Variants in CCNJL observed in about 807,000 individuals in gnomAD.
CCNJL encodes cyclin J like.
CCNJL carries 33 observed loss-of-function variants against 33.4 expected under a neutral mutation model. The observed-to-expected ratio is 0.99, with a 90% CI of 0.75 to 1.32. CCNJL has a LOEUF of 1.32. CCNJL is among the 40% of genes most tolerant of loss of function. The probability of loss-of-function intolerance (pLI) is 0.00; values close to 1 mark genes in which losing one functional copy is unlikely to be tolerated. For synonymous variants in CCNJL, 227 were observed against 220.9 expected, an observed-to-expected ratio of 1.03 and a Z score of -0.24; for missense variants, 512 against 499.7, an observed-to-expected ratio of 1.02 and a Z score of -0.23.
intron 2 of CCNJL, among the ~76,000 whole-genome samples, chr5:160,307,689 GC>G (rs573759111): frequency 5.9e-5 from 9 of 152,080 alleles, no homozygotes; most frequent in Non-Finnish European, 1.3e-4. Flanking sequence ...CACGTAGCAG[GC>G]AAGAAACCCC....
intron 2 of CCNJL, among the ~76,000 whole-genome samples, chr5:160,301,437 CTTT>C (rs745427095): frequency 6.9e-6 from 1 of 144,464 alleles, no homozygotes. Context: ...TGGCCTATGT[CTTT>C]TTTTTTTTTT....
chr5:160,282,988 T>TATATAC (rs1554120757), intron 2 of CCNJL, among the ~76,000 whole-genome samples: 2 of 60,244 alleles, frequency 3.3e-5, no homozygotes, highest in Non-Finnish European at 6.1e-5. Context: ...TATATATATA[T>TATATAC]ATATATATAT....
At chr5:160,270,030 G>A (rs1288147615) in intron 3 of CCNJL, among the ~76,000 whole-genome samples, 1 of 152,170 alleles carries the variant, frequency 6.6e-6, no homozygotes, top group Non-Finnish European at 1.5e-5. Context: ...TGACATATAG[G>A]CTGGGCACAG....
chr5:160,303,438 T>C (rs1762987202), intron 2 of CCNJL, among the ~76,000 whole-genome samples: 1 of 151,360 alleles, frequency 6.6e-6, no homozygotes, highest in Non-Finnish European at 1.5e-5. Context: ...ACTCCTGATC[T>C]CAAGTGAGCC....
In CCNJL at chr5:160,258,321, C is replaced by T. The variant is rs878971239; in HGVS notation, c.583+1148G>A. 2.6e-5 allele frequency: 20 copies of T among 756,248 alleles called. 1 individual carries two copies. Among genetic ancestry groups the T allele is most frequent in the East Asian group, 1.5e-4 (6 of 40,650 alleles). The allele number at this position is 756,248 out of a possible 1,614,324, so 46.8% of individuals were successfully genotyped here. On this transcript the variant is annotated intron_variant, in intron 4 of 5. Transcript: ENST00000257536. ...ATGGTATTCGAAAATGGTATTACAA[C>T]GCCACAGGATTCAATAAACTGGGGT...
chr5:160,333,149 G>T (rs1381019626), intron 1 of CCNJL, among the ~76,000 whole-genome samples: 5 of 149,970 alleles, frequency 3.3e-5, no homozygotes, highest in Non-Finnish European at 7.4e-5. Context: ...TTGAGATGGA[G>T]TCTCGCTCTG....
chr5:160,288,754 CG>C (rs534488109), intron 2 of CCNJL, among the ~76,000 whole-genome samples: 2 of 148,614 alleles, frequency 1.3e-5, no homozygotes, highest in African/African-American at 5.0e-5. Context: ...GGCATGAACC[CG>C]GGGGGGCGGA....
chr5:160,329,163 T>C (rs1763575487), intron 1 of CCNJL, among the ~76,000 whole-genome samples: 1 of 152,096 alleles, frequency 6.6e-6, no homozygotes, highest in Non-Finnish European at 1.5e-5. Flanking sequence ...CAAAAAAACA[T>C]TGTTTTGGAC....
chr5:160,265,776 C>T (rs1390566092), intron 3 of CCNJL, among the ~76,000 whole-genome samples: 2 of 151,652 alleles, frequency 1.3e-5, no homozygotes, highest in Non-Finnish European at 2.9e-5. Context: ...TTGCTTGAAC[C>T]CCAGAGGCAG....
chr5:160,316,750 G>A (rs1581017624), upstream of CCNJL, among the ~76,000 whole-genome samples: 3 of 152,234 alleles, frequency 2.0e-5, no homozygotes, highest in African/African-American at 7.2e-5. Flanking sequence ...GTGTTTTGTT[G>A]TTTTATGGCA....
chr5:160,257,043 C>T (rs1384232864), intron 4 of CCNJL, among the ~76,000 whole-genome samples: 1 of 147,730 alleles, frequency 6.8e-6, no homozygotes, highest in Non-Finnish European at 1.5e-5. Context: ...AGGGTGCTAA[C>T]AGGGTGATAC....
intron 1 of CCNJL, among the ~76,000 whole-genome samples, chr5:160,332,051 T>C (rs1763614244): frequency 6.6e-6 from 1 of 152,104 alleles, no homozygotes; most frequent in African/African-American, 2.4e-5. Context: ...TTCCCCTCCC[T>C]CTCTCCAAGA....
intron 1 of CCNJL, among the ~76,000 whole-genome samples, chr5:160,320,353 G>T (rs1474678483): frequency 6.6e-6 from 1 of 152,166 alleles, no homozygotes; most frequent in Non-Finnish European, 1.5e-5. Flanking sequence ...GTGAAAGGAG[G>T]GGGTGGGATT....
chr5:160,308,419 T>C (rs548823193), intron 2 of CCNJL, among the ~76,000 whole-genome samples: 1 of 152,356 alleles, frequency 6.6e-6, no homozygotes, highest in African/African-American at 2.4e-5. Context: ...TCTCTTCTCG[T>C]GTAGCATGTA....
chr5:160,328,318 G>A (rs1045039272), intron 1 of CCNJL, among the ~76,000 whole-genome samples: 1 of 152,222 alleles, frequency 6.6e-6, no homozygotes, highest in Non-Finnish European at 1.5e-5. Flanking sequence ...CAGCATGAGA[G>A]TGAGTTAGAG....
chr5:160,261,626 C>T (rs1324031938), intron 3 of CCNJL, among the ~76,000 whole-genome samples: 2 of 150,392 alleles, frequency 1.3e-5, no homozygotes, highest in Non-Finnish European at 3.0e-5. Context: ...TCCCCCCATA[C>T]TCCCCCCAAC....
At chr5:160,266,212 A>AG (rs762573850) in intron 3 of CCNJL, among the ~76,000 whole-genome samples, 1 of 152,238 alleles carries the variant, frequency 6.6e-6, no homozygotes, top group Non-Finnish European at 1.5e-5. Flanking sequence ...GGGACAGAAG[A>AG]GGAAAGAGAA....
At chr5:160,264,316 C>T (rs1405302513) in intron 3 of CCNJL, among the ~76,000 whole-genome samples, 1 of 152,130 alleles carries the variant, frequency 6.6e-6, no homozygotes, top group Non-Finnish European at 1.5e-5. Context: ...ACGTGTACCC[C>T]CAGTGTTGGT....
chr5:160,255,669 G>A lies in CCNJL; in HGVS notation c.623C>T (p.Ala208Val), dbSNP rs771126589. Residue 208 changes from alanine (A) to valine (V), a missense_variant, in exon 5 of 6, where the codon GCG becomes GTG. Ala to Val is a moderately conservative substitution (Grantham distance 64). Transcript: ENST00000257536. ...AATCCTGGAGGCCCCAACACAGGCC[G>A]CAGCGACCACAGAAGGCTGGAATTT... ...FYKFQPSVVA[A>V]ACVGASRICL... is the part of the protein sequence containing the mutation. 7.4e-6 allele frequency: 12 copies of A among 1,613,896 alleles called. No homozygotes were observed. Among genetic ancestry groups the A allele is most frequent in the Admixed American group, 3.3e-5 (2 of 60,014 alleles).
Sources: allele counts gnomAD v4.1 joint callset (sites outside exome capture counted in the v4.1 genomes callset), GRCh38; gene constraint gnomAD v4.1.1; transcripts MANE v1.5; gene names NCBI Gene and HGNC (gene_info 2026-07-23, HGNC 2026-07-21).